MAP4K3: variants seen among roughly 807,000 people sequenced by gnomAD.
MAP4K3 encodes the protein MAPK/ERK kinase kinase kinase 3.
A neutral mutation model predicts 143.5 loss-of-function variants in MAP4K3; 94 were observed. That is an observed-to-expected ratio of 0.65 (90% CI 0.55 to 0.78). MAP4K3 has a LOEUF of 0.78. Among genes scored for constraint, MAP4K3 ranks in the 30% least tolerant of loss-of-function variants. The pLI, the probability that MAP4K3 is intolerant of heterozygous loss-of-function variation, is 0.00. For missense variants in MAP4K3, 1,077 were observed against 1,068.1 expected (o/e 1.01, Z -0.12); for synonymous variants, 416 against 347.2 (o/e 1.20, Z -2.20).
At chr2:39,260,354 G>A (rs972483756) in intron 29 of MAP4K3, among the ~76,000 whole-genome samples, 40 of 151,978 alleles carry the variant, frequency 2.6e-4, no homozygotes, top group African/African-American at 8.9e-4. Flanking sequence ...GGACTCAAGC[G>A]ATCTTCTCAC....
intron 1 of MAP4K3, among the ~76,000 whole-genome samples, chr2:39,434,966 T>C (rs1397001542): frequency 6.6e-6 from 1 of 152,226 alleles, no homozygotes; most frequent in South Asian, 2.1e-4. Flanking sequence ...TTTTTAATCA[T>C]GTGGCTTAAC....
At position 39,292,771 on chromosome 2, in the gene MAP4K3, A is replaced by G. The variant is rs1279962689; in HGVS notation, c.1271+2T>C. On this transcript the variant is annotated splice_donor_variant, in intron 18 of 33. Transcript: ENST00000263881. LOFTEE classifies it high-confidence loss of function. ...TTTACCAAAAACAGAGACAGAACTTACTGTTTAGATTCATCATCATCTCCT... is the reference window on the plus strand; with the variant it reads ...TTTACCAAAAACAGAGACAGAACTTGCTGTTTAGATTCATCATCATCTCCT... The G allele has an allele frequency of 3.1e-6, 5 of 1,611,800 alleles. No individual in the cohort carries two copies. Among genetic ancestry groups the G allele is most frequent in the Non-Finnish European group, 4.2e-6 (5 of 1,178,160 alleles).
intron 24 of MAP4K3, among the ~76,000 whole-genome samples, chr2:39,277,757 G>C (rs1025738803): frequency 1.4e-4 from 21 of 151,616 alleles, no homozygotes; most frequent in African/African-American, 5.1e-4. Flanking sequence ...GTAGAGACAG[G>C]GTTTCACCAT....
chr2:39,250,726 A>G lies in MAP4K3; in HGVS notation c.2598-21T>C, dbSNP rs770246454. On this transcript the variant is annotated intron_variant, in intron 33 of 33. Transcript: ENST00000263881. ...CGACCCTGAAAGTAATAAAAAACAT[A>G]TAACAAAACAAAGTTATTCCTGAAA... 15 of 1,596,562 alleles carry G rather than the reference A, an allele frequency of 9.4e-6. 1 individual carries two copies. The South Asian group carries it at 1.0e-4, about 11-fold the overall frequency.
At chr2:39,320,266 A>T (rs995674913) in intron 12 of MAP4K3, among the ~76,000 whole-genome samples, 2 of 152,216 alleles carry the variant, frequency 1.3e-5, no homozygotes, top group Non-Finnish European at 2.9e-5. Flanking sequence ...AGAAGACTGC[A>T]ATTTAAAAAA....
At chr2:39,307,565 CAT>C (rs34446134) in intron 15 of MAP4K3, among the ~76,000 whole-genome samples, 7,230 of 150,984 alleles carry the variant, frequency 0.048, 288 homozygotes, top group African/African-American at 0.11. Context: ...TACCATATAA[CAT>C]ATGAATTGTT....
intron 3 of MAP4K3, among the ~76,000 whole-genome samples, chr2:39,344,139 AAT>A (rs1446115808): frequency 6.6e-6 from 1 of 152,210 alleles, no homozygotes; most frequent in South Asian, 2.1e-4. Context: ...ATTCTACCTT[AAT>A]ATATGTCTGT....
chr2:39,357,313 A>G (rs984447827), intron 2 of MAP4K3, among the ~76,000 whole-genome samples: 6 of 152,260 alleles, frequency 3.9e-5, no homozygotes, highest in African/African-American at 1.4e-4. Flanking sequence ...TTACTAATTC[A>G]GCTTTTAAAG....
intron 7 of MAP4K3, 122 bp downstream of exon 7, chr2:39,333,410 C>G: frequency 1.4e-6 from 1 of 707,440 alleles, no homozygotes; most frequent in Non-Finnish European, 2.5e-6. Context: ...AACGAGATTT[C>G]CATCTAAAAA....
At position 39,249,618 on chromosome 2, in the gene MAP4K3, G is replaced by C. The variant is rs757970859; in HGVS notation, c.*1000C>G. ...CTCTAAGTCAAAAGAAATATGAAAA[G>C]GATCATAAAATAAGGCCAACAAAAG... On this transcript the variant is annotated 3_prime_UTR_variant, in exon 34 of 34. Transcript: ENST00000263881. 6.6e-6 allele frequency: 1 copy of C among 152,564 alleles called. No homozygotes were observed. The allele number at this position is 152,564 out of a possible 1,614,324, so 9.5% of individuals were successfully genotyped here.
At chr2:39,421,368 ATTTTTTTTTTT>A (rs59291407) in intron 1 of MAP4K3, among the ~76,000 whole-genome samples, 2 of 85,364 alleles carry the variant, frequency 2.3e-5, no homozygotes, top group Non-Finnish European at 4.8e-5. Context: ...TGACTTGGGC[ATTTTTTTTTTT>A]TTTTTTTTTT....
rs534911439 is a variant in MAP4K3 at position 39,340,541 on chromosome 2, A to T, written c.310+2847T>A. Among the ~76,000 whole-genome samples, 5 of 152,328 alleles carry T rather than the reference A, an allele frequency of 3.3e-5. No individual in the cohort carries two copies. The South Asian group carries it at 1.0e-3, about 32-fold the overall frequency. On this transcript the variant is annotated intron_variant, in intron 4 of 33. Coordinates refer to ENST00000263881, the MANE Select transcript of MAP4K3 (RefSeq NM_003618.4). ...TGTTACTTTTACCAGTTAGGTTGAA[A>T]TGGAATGGTAAGAATCATGACAACC...
intron 1 of MAP4K3, among the ~76,000 whole-genome samples, chr2:39,412,559 A>AAAAC (rs763703537): frequency 6.6e-6 from 1 of 152,212 alleles, no homozygotes; most frequent in South Asian, 2.1e-4. Flanking sequence ...TATTAAAATA[A>AAAAC]AAACAAACAA....
intron 24 of MAP4K3, 29 bp downstream of exon 24, chr2:39,278,378 A>G (rs1259002754): frequency 7.2e-7 from 1 of 1,393,536 alleles, no homozygotes; most frequent in Admixed American, 2.1e-5. Context: ...TAAAAATTAA[A>G]AAAAAAAAGA....
At chr2:39,391,378 A>AAAAAAAAAAAG (rs1553423384) in intron 1 of MAP4K3, among the ~76,000 whole-genome samples, 1 of 146,918 alleles carries the variant, frequency 6.8e-6, no homozygotes, top group Non-Finnish European at 1.5e-5. Flanking sequence ...AAAAAAAAAA[A>AAAAAAAAAAAG]AAAGAAAGAA....
rs373302450 is a variant in MAP4K3, at chr2:39,308,003, G to A, written c.1059C>T (p.Pro353=). Reference sequence around the variant, plus strand: ...AACTGTCCAAAAAACCATCACTGTCGGGCTGTTTAGCAGAGACCAAGAAAC... The same window carrying A: ...AACTGTCCAAAAAACCATCACTGTCAGGCTGTTTAGCAGAGACCAAGAAAC... ...RKETEPHHEL[P]DSDGFLDSSE... Residue 353 remains proline (P), a splice_region_variant and synonymous_variant, in exon 15 of 34, where the codon CCC becomes CCT. Transcript: ENST00000263881. 9.4e-6 allele frequency: 15 copies of A among 1,599,470 alleles called. No homozygotes were observed. The highest frequency in any genetic ancestry group is 1.7e-4 in the Middle Eastern group (1 of 6,040).
intron 12 of MAP4K3, among the ~76,000 whole-genome samples, chr2:39,320,230 G>A (rs554176953): frequency 3.9e-5 from 6 of 152,242 alleles, no homozygotes; most frequent in Admixed American, 1.3e-4. Flanking sequence ...CTGTTTACAC[G>A]TTGCAAGTAG....
At chr2:39,272,069 C>A in intron 26 of MAP4K3, 2 of 380,412 alleles carry the variant, frequency 5.3e-6, no homozygotes, top group Non-Finnish European at 9.3e-6. Context: ...ATAAAAAATT[C>A]AGAGAGAAAA....
chr2:39,265,605 T>G (rs1680734014), intron 27 of MAP4K3, among the ~76,000 whole-genome samples: 1 of 152,204 alleles, frequency 6.6e-6, no homozygotes, highest in Non-Finnish European at 1.5e-5. Flanking sequence ...GTAGGAAAAT[T>G]ACCTGAGGTG....
Sources: gnomAD v4.1 joint callset for allele counts (sites outside exome capture counted in the v4.1 genomes callset) on GRCh38, gnomAD v4.1.1 for gene constraint, MANE v1.5 for transcripts, NCBI Gene and HGNC (gene_info 2026-07-23, HGNC 2026-07-21) for gene names.